Variants in DSC1 observed in about 807,000 individuals in gnomAD.
DSC1 encodes desmocollin-1.
A neutral mutation model predicts 98.8 loss-of-function variants in DSC1; 79 were observed. That is an observed-to-expected ratio of 0.80 (90% CI 0.67 to 0.96). The LOEUF (loss-of-function observed/expected upper bound fraction) is 0.96, where lower values mean the gene tolerates loss of function less well. DSC1 is among the 50% of genes least tolerant of loss of function. The pLI is 0.00. For synonymous variants in DSC1, 405 were observed against 372.1 expected (o/e 1.09, Z -1.02); for missense variants, 1,115 against 1,075.9 (o/e 1.04, Z -0.51).
At chr18:31,157,712 T>A (rs1158726615) in intron 2 of DSC1, 139 bp from the exon 3 acceptor site, 17 of 793,094 alleles carry the variant, frequency 2.1e-5, no homozygotes, top group Non-Finnish European at 3.4e-5. Flanking sequence ...CACCTGCTAT[T>A]CTAAAACGTG....
Position 31,134,621 on chromosome 18 carries a change from G to C in DSC1, c.1827C>G (p.Phe609Leu). 6.2e-7 allele frequency: 1 copy of C among 1,612,456 alleles called. No individual in the cohort carries two copies. The highest frequency in any genetic ancestry group is 8.5e-7 in the Non-Finnish European group (1 of 1,179,168). Residue 609 changes from phenylalanine to leucine, a missense_variant, in exon 12 of 16, where the codon TTC (phenylalanine) becomes TTG (leucine). By Grantham distance (22) the Phe-to-Leu change is conservative. Coordinates refer to ENST00000257198, the MANE Select transcript of DSC1 (RefSeq NM_024421.2). ...TTTTACTGGCAGAATTATCCAGAAA[G>C]AATTGAAAAGGTGGTCCATTTTCAG... The part of the protein sequence containing the change: ...DGPENGPPFQ[F>L]FLDNSASKNW...
rs1281189983 is a variant in DSC1 at position 31,134,045 on chromosome 18, T to C, written c.1962A>G (p.Leu654=). The part of the protein sequence containing the change: ...VPIQIKDRHG[L]VATHMLTVRV... ...TCACTGTTAACATATGTGTTGCAACTAAACCATGCCTGTCTTTTATTTGAA... is the reference window on the plus strand; with the variant it reads ...TCACTGTTAACATATGTGTTGCAACCAAACCATGCCTGTCTTTTATTTGAA... The change falls in exon 13 of 16, where the codon TTA becomes TTG. Residue 654 remains leucine, a synonymous_variant. Transcript: ENST00000257198. 2 of 1,612,578 alleles carry C rather than the reference T, an allele frequency of 1.2e-6. No individual in the cohort carries two copies. The highest frequency in any genetic ancestry group is 1.3e-5 in the African/African-American group (1 of 74,888).
At chr18:31,161,470 A>T (rs1201280698) in intron 1 of DSC1, among the ~76,000 whole-genome samples, 1 of 152,014 alleles carries the variant, frequency 6.6e-6, no homozygotes, top group South Asian at 2.1e-4. Context: ...TTCCATGTTG[A>T]TGGTCCTCCC....
intron 3 of DSC1, 93 bp downstream of exon 3, chr18:31,157,278 G>C: frequency 7.6e-7 from 1 of 1,308,860 alleles, no homozygotes; most frequent in Non-Finnish European, 1.1e-6. Context: ...CAATAGCATA[G>C]ATTTTAACAT....
At chr18:31,150,249 C>T (rs1211855693) in intron 5 of DSC1, among the ~76,000 whole-genome samples, 8 of 135,290 alleles carry the variant, frequency 5.9e-5, no homozygotes, top group East Asian at 6.2e-4. Flanking sequence ...ACCACCACTA[C>T]CACCACCACC....
Position 31,140,022 on chromosome 18 carries a change from C to T in DSC1, c.1520+20G>A. The stretch of plus-strand genomic sequence containing the variant: ...TTACATCACAATTAAAATTAAGGAG[C>T]TTTTTGAAAAGTACATCACCTTAAG... On this transcript the variant is annotated intron_variant, in intron 10 of 15. Coordinates refer to ENST00000257198, the MANE Select transcript of DSC1 (RefSeq NM_024421.2). 1.3e-6 allele frequency: 2 copies of T among 1,584,484 alleles called. No homozygotes were observed. The highest frequency in any genetic ancestry group is 1.7e-6 in the Non-Finnish European group (2 of 1,168,060).
intron 1 of DSC1, among the ~76,000 whole-genome samples, chr18:31,160,434 G>A (rs556686409): frequency 1.2e-4 from 18 of 152,116 alleles, no homozygotes; most frequent in South Asian, 8.3e-4. Context: ...CTAGAGTTAC[G>A]GGACCCATTA....
chr18:31,143,868 G>A, intron 7 of DSC1, 77 bp from the exon 8 acceptor site: 1 of 1,125,584 alleles, frequency 8.9e-7, no homozygotes, highest in Non-Finnish European at 1.2e-6. Flanking sequence ...CACTTGTTTA[G>A]GCACGATTAT....
chr18:31,131,508 A>G, intron 15 of DSC1, 86 bp downstream of exon 15: 2 of 1,529,270 alleles, frequency 1.3e-6, no homozygotes, highest in Admixed American at 1.8e-5. Context: ...TTCCAGGTAT[A>G]TGAGGAGTAA....
chr18:31,130,486 G>A lies in DSC1; in HGVS notation c.*28C>T. ...GTAATAAATTCCTACTTATGCATCT[G>A]TGGATATTACACTATTAAAAGGCAC... On this transcript the variant is annotated 3_prime_UTR_variant, in exon 16 of 16. Coordinates refer to ENST00000257198, the MANE Select transcript of DSC1 (RefSeq NM_024421.2). The A allele has an allele frequency of 6.2e-7, 1 of 1,610,412 alleles. No homozygotes were observed. The highest frequency in any genetic ancestry group is 1.7e-5 in the Admixed American group (1 of 59,916).
intron 4 of DSC1, 33 bp from the exon 5 acceptor site, chr18:31,154,962 G>A (rs1333660021): frequency 1.6e-5 from 25 of 1,602,468 alleles, no homozygotes; most frequent in Middle Eastern, 1.7e-4. Flanking sequence ...GAACAAATAC[G>A]TCATGATGAA....
At chr18:31,156,839 G>C (rs1431436125) in intron 3 of DSC1, among the ~76,000 whole-genome samples, 1 of 152,162 alleles carries the variant, frequency 6.6e-6, no homozygotes, top group African/African-American at 2.4e-5. Flanking sequence ...GCAAGAAAAT[G>C]AGCCTAGAGT....
intron 14 of DSC1, chr18:31,132,130 G>C: frequency 2.3e-6 from 1 of 437,238 alleles, no homozygotes; most frequent in South Asian, 2.4e-5. Flanking sequence ...GTCCCTAAGC[G>C]AATATAATCA....
rs1436108792 is a variant in DSC1, at chr18:31,129,793, A to G, written c.*721T>C. On this transcript the variant is annotated 3_prime_UTR_variant, in exon 16 of 16. Coordinates refer to ENST00000257198, the MANE Select transcript of DSC1 (RefSeq NM_024421.2). ...GCAATTCTTTCATGGAAATCTTCTC[A>G]TGTAATCTTCATAAAATCTCTGCCC... 6.6e-6 allele frequency: 1 copy of G among 152,200 alleles called. No individual in the cohort carries two copies. Among genetic ancestry groups the G allele is most frequent in the Non-Finnish European group, 1.5e-5 (1 of 68,042 alleles). The allele number at this position is 152,200 out of a possible 1,614,324, so 9.4% of individuals were successfully genotyped here.
chr18:31,151,368 T>A (rs370697638), intron 5 of DSC1, among the ~76,000 whole-genome samples: 3 of 152,200 alleles, frequency 2.0e-5, no homozygotes, highest in African/African-American at 7.2e-5. Context: ...TATGTTCATA[T>A]GATAGAGTAA....
intron 3 of DSC1, among the ~76,000 whole-genome samples, chr18:31,156,672 A>G (rs1279225918): frequency 6.6e-6 from 1 of 152,226 alleles, no homozygotes; most frequent in Non-Finnish European, 1.5e-5. Context: ...CATACAATCA[A>G]AAAGAATTTA....
chr18:31,137,228 T>G (rs1339792345), intron 11 of DSC1, among the ~76,000 whole-genome samples: 1 of 152,304 alleles, frequency 6.6e-6, no homozygotes, highest in East Asian at 1.9e-4. Flanking sequence ...TTTCCTGTAA[T>G]TTGTTCATGT....
At chr18:31,156,310 C>T (rs1989097397) in intron 3 of DSC1, 148 bp from the exon 4 acceptor site, 5 of 893,140 alleles carry the variant, frequency 5.6e-6, no homozygotes, top group East Asian at 2.5e-5. Flanking sequence ...TGATAAAACA[C>T]ACACACACAC....
chr18:31,134,236 G>T (rs373763257), intron 12 of DSC1, 106 bp from the exon 13 acceptor site: 27 of 1,395,500 alleles, frequency 1.9e-5, no homozygotes, highest in African/African-American at 3.0e-5. Context: ...ATAAAAACTC[G>T]AATTTTTCTT....
Sources: gnomAD v4.1 joint callset for allele counts (sites outside exome capture counted in the v4.1 genomes callset) on GRCh38, gnomAD v4.1.1 for gene constraint, MANE v1.5 for transcripts, NCBI Gene and HGNC (gene_info 2026-07-23, HGNC 2026-07-21) for gene names.